Variants in ANKRD31 observed in about 807,000 individuals in gnomAD.
The protein encoded by ANKRD31 is ankyrin repeat domain 31.
Under a neutral mutation model 186.0 loss-of-function variants are expected in ANKRD31, and 147 were observed. That is an observed-to-expected ratio of 0.79 (90% CI 0.69 to 0.91). The LOEUF is 0.91. ANKRD31 is among the 40% of genes least tolerant of loss of function. The pLI is 0.00. For missense variants in ANKRD31, 1,986 were observed against 2,148.8 expected (o/e 0.92, Z 1.50); for synonymous variants, 673 against 736.4 (o/e 0.91, Z 1.39).
At chr5:75,204,940 C>G (rs1237040973) in intron 5 of ANKRD31, among the ~76,000 whole-genome samples, 1 of 152,232 alleles carries the variant, frequency 6.6e-6, no homozygotes, top group Non-Finnish European at 1.5e-5. Flanking sequence ...GGGCTGGAAA[C>G]ATGGCTCATG....
At chr5:75,091,950 C>G (rs1324961525) in intron 22 of ANKRD31, among the ~76,000 whole-genome samples, 2 of 152,040 alleles carry the variant, frequency 1.3e-5, no homozygotes, top group African/African-American at 2.4e-5. Context: ...GTGGTGGTTT[C>G]ACATTGGGAG....
intron 2 of ANKRD31, among the ~76,000 whole-genome samples, chr5:75,224,159 A>ATG (rs1452689001): frequency 1.2e-3 from 55 of 45,706 alleles, no homozygotes; most frequent in African/African-American, 5.4e-3. Context: ...ATATATATAT[A>ATG]TGTATATATA....
chr5:75,154,378 GA>G, intron 11 of ANKRD31, 33 bp from the exon 12 acceptor site: 1 of 1,509,944 alleles, frequency 6.6e-7, no homozygotes, highest in Non-Finnish European at 8.8e-7. Flanking sequence ...AGGGAACCCA[GA>G]TTGAGGGTGT....
chr5:75,096,364 T>G (rs1046849855), intron 22 of ANKRD31, among the ~76,000 whole-genome samples: 1 of 151,964 alleles, frequency 6.6e-6, no homozygotes, highest in Non-Finnish European at 1.5e-5. Flanking sequence ...GGATCATTTG[T>G]TTTTTTTCTT....
chr5:75,177,712 C>G (rs1009507225), intron 10 of ANKRD31, among the ~76,000 whole-genome samples: 8 of 152,188 alleles, frequency 5.3e-5, no homozygotes, highest in Non-Finnish European at 1.2e-4. Flanking sequence ...CAGGCCTGCC[C>G]TAAAAGAGCT....
intron 9 of ANKRD31, 29 bp from the exon 10 acceptor site, chr5:75,188,677 A>T (rs571512722): frequency 8.0e-6 from 12 of 1,497,798 alleles, no homozygotes; most frequent in Non-Finnish European, 9.8e-6. Flanking sequence ...CAAAAGAAAA[A>T]AATCATTATT....
intron 14 of ANKRD31, 146 bp downstream of exon 14, chr5:75,145,841 T>C (rs1003644527): frequency 1.6e-6 from 1 of 634,016 alleles, no homozygotes; most frequent in Admixed American, 3.6e-5. Context: ...ACTTAACTAC[T>C]AGGTTTAGTG....
chr5:75,113,831 C>T (rs561260776), intron 19 of ANKRD31, among the ~76,000 whole-genome samples: 28 of 152,108 alleles, frequency 1.8e-4, no homozygotes, highest in African/African-American at 4.8e-4. Context: ...TAAGGTTTAC[C>T]GCTTCATACA....
At chr5:75,201,997 A>G (rs1190584227) in intron 5 of ANKRD31, among the ~76,000 whole-genome samples, 1 of 152,168 alleles carries the variant, frequency 6.6e-6, no homozygotes, top group Non-Finnish European at 1.5e-5. Context: ...ATCCACCTAT[A>G]AACTGGAAGC....
chr5:75,161,632 C>T (rs758350135), intron 11 of ANKRD31, among the ~76,000 whole-genome samples: 1 of 152,042 alleles, frequency 6.6e-6, no homozygotes, highest in African/African-American at 2.4e-5. Flanking sequence ...GTCCCCAGGG[C>T]ATGACAGAGA....
chr5:75,104,975 T>C lies in ANKRD31; in HGVS notation c.4584A>G (p.Gln1528=), dbSNP rs1747212099. The change falls in exon 22 of 26, where the codon CAA becomes CAG. Residue 1528 remains glutamine, a synonymous_variant. Transcript: ENST00000506364. ...LTSLENLEHP[Q]SGSLSPVSGS... is the part of the protein sequence containing the mutation. ...CAGAAACAGGAGAAAGTGAACCTGA[T>C]TGGGGATGCTCTAAATTTTCCAGAC... The C allele has an allele frequency of 3.3e-6, 5 of 1,537,166 alleles. No individual in the cohort carries two copies. The highest frequency in any genetic ancestry group is 1.2e-5 in the South Asian group (1 of 84,058).
At chr5:75,107,381 G>A (rs191946297) in intron 21 of ANKRD31, 140 bp downstream of exon 21, 24 of 579,896 alleles carry the variant, frequency 4.1e-5, no homozygotes, top group African/African-American at 2.6e-4. Flanking sequence ...TGGTAGTAAC[G>A]GATTAGACAA....
intron 21 of ANKRD31, 84 bp from the exon 22 acceptor site, chr5:75,105,302 G>T: frequency 7.6e-7 from 1 of 1,320,010 alleles, no homozygotes; most frequent in Non-Finnish European, 9.9e-7. Context: ...AAGATACTTT[G>T]TCTCCAAATT....
At chr5:75,168,454 A>G (rs1753079842) in intron 11 of ANKRD31, among the ~76,000 whole-genome samples, 1 of 152,182 alleles carries the variant, frequency 6.6e-6, no homozygotes, top group Admixed American at 6.6e-5. Flanking sequence ...AGAATTCATA[A>G]TCTTAATGTT....
intron 11 of ANKRD31, among the ~76,000 whole-genome samples, chr5:75,165,077 G>A (rs1752826043): frequency 6.6e-6 from 1 of 152,110 alleles, no homozygotes; most frequent in Admixed American, 6.5e-5. Flanking sequence ...CAATTAGATT[G>A]TGTCCTTTGT....
rs188289477 is a variant in ANKRD31, at chr5:75,098,686, G to T, written c.5331+5542C>A. Among the ~76,000 whole-genome samples the T allele has an allele frequency of 1.7e-3, 259 of 152,144 alleles. 8 individuals are homozygous for T. In the East Asian group the frequency reaches 0.04, roughly 23 times the overall value. ...GGATTTCTAGGTATTTTATTCTCTT[G>T]GAAGCAATTGTGAATGGGAGTTCAC... On this transcript the variant is annotated intron_variant, in intron 22 of 25. Transcript: ENST00000506364.
intron 3 of ANKRD31, among the ~76,000 whole-genome samples, chr5:75,215,728 G>A (rs1484005676): frequency 3.3e-5 from 5 of 151,392 alleles, no homozygotes; most frequent in Non-Finnish European, 2.9e-5. Context: ...ATCAATATTG[G>A]TATCTGTGAA....
chr5:75,193,711 T>G, intron 7 of ANKRD31, 120 bp from the exon 8 acceptor site: 1 of 855,702 alleles, frequency 1.2e-6, no homozygotes, highest in South Asian at 1.9e-5. Context: ...AGGATCCAAG[T>G]ACAAGAATTC....
At position 75,105,229 on chromosome 5, in the gene ANKRD31, A is replaced by C; in HGVS notation, c.4341-11T>G. 2.1e-6 allele frequency: 3 copies of C among 1,462,328 alleles called. No homozygotes were observed. The highest frequency in any genetic ancestry group is 2.7e-6 in the Non-Finnish European group (3 of 1,116,302). 90.6% of individuals were successfully genotyped at this position (1,462,328 alleles called of 1,614,324 possible). On this transcript the variant is annotated splice_polypyrimidine_tract_variant and intron_variant, in intron 21 of 25. Coordinates refer to ENST00000506364, the MANE Select transcript of ANKRD31 (RefSeq NM_001372053.1). ...GACTCTATGGATACCCTATAGGAAG[A>C]AACAGAAAGAGAAAAAATGCAATAA...
Sources: gnomAD v4.1 joint callset for allele counts (sites outside exome capture counted in the v4.1 genomes callset) on GRCh38, gnomAD v4.1.1 for gene constraint, MANE v1.5 for transcripts, NCBI Gene and HGNC (gene_info 2026-07-23, HGNC 2026-07-21) for gene names.